Variants in FAM20A observed in about 807,000 individuals in gnomAD.
The protein encoded by FAM20A is pseudokinase FAM20A.
A neutral mutation model predicts 52.0 loss-of-function variants in FAM20A; 42 were observed. The observed-to-expected ratio is 0.81, with a 90% CI of 0.63 to 1.04. The LOEUF (loss-of-function observed/expected upper bound fraction) is 1.04, where lower values mean the gene tolerates loss of function less well. FAM20A is among the 50% of genes least tolerant of loss of function. The pLI, the probability that FAM20A is intolerant of heterozygous loss-of-function variation, is 0.00. For synonymous variants in FAM20A, 304 were observed against 298.9 expected, an observed-to-expected ratio of 1.02 and a Z score of -0.18; for missense variants, 742 against 712.7, an observed-to-expected ratio of 1.04 and a Z score of -0.47.
Position 68,578,024 on chromosome 17 carries a change from C to T in FAM20A, c.404+22239G>A, listed in dbSNP as rs12452866. Among the ~76,000 whole-genome samples the T allele has an allele frequency of 9.0e-3, 1,367 of 152,130 alleles. 99 individuals are homozygous for T. The South Asian group carries it at 0.15, about 17-fold the overall frequency. ...CACACACCACACACACACACACACA[C>T]GCACACTATTAGCAAGTGACATTGG... is the stretch of plus-strand genomic sequence containing the variant. On this transcript the variant is annotated intron_variant, in intron 1 of 10. Transcript: ENST00000592554.
chr17:68,600,959 C>A lies in FAM20A; in HGVS notation c.-293G>T, dbSNP rs2088608474. On this transcript the variant is annotated 5_prime_UTR_variant, in exon 1 of 11. Transcript: ENST00000592554. This position sits in a 1 kb window ranked among gnomAD's most constrained non-coding sequence, Gnocchi z 6.2. The stretch of plus-strand genomic sequence containing the variant: ...GTGCCCGCTTCTTGCGCCTTTTCTC[C>A]CGTGCGCCCGCCCGCCCGGACGCTC... 2 of 308,392 alleles carry A rather than the reference C, an allele frequency of 6.5e-6. No individual in the cohort carries two copies. The highest frequency in any genetic ancestry group is 4.3e-5 in the African/African-American group (2 of 46,026). The allele number at this position is 308,392 out of a possible 1,614,324, so 19.1% of individuals were successfully genotyped here.
At chr17:68,557,530 A>T (rs566200753) in intron 1 of FAM20A, 21 of 152,360 alleles carry the variant, frequency 1.4e-4, no homozygotes, top group African/African-American at 4.8e-4. Context: ...CCGGGAAAAG[A>T]GGCCTCACCA....
At chr17:68,595,916 A>T (rs1210735599) in intron 1 of FAM20A, among the ~76,000 whole-genome samples, 1 of 152,158 alleles carries the variant, frequency 6.6e-6, no homozygotes, top group Non-Finnish European at 1.5e-5. Flanking sequence ...TATCTTCCCC[A>T]AGCTCCTAGA....
intron 4 of FAM20A, among the ~76,000 whole-genome samples, chr17:68,546,876 C>T (rs1029723168): frequency 4.0e-5 from 6 of 151,508 alleles, no homozygotes; most frequent in Non-Finnish European, 8.8e-5. Flanking sequence ...TAGAATGACT[C>T]CTTGATCTGT....
Position 68,600,662 on chromosome 17 carries a change from G to A in FAM20A, c.5C>T (p.Pro2Leu), listed in dbSNP as rs528874230. M[P>L]GLRRDRLLTL... is the part of the protein sequence containing the mutation. ...CAGTAGGCGGTCCCGGCGCAGCCCC[G>A]GCATGGCGTGCTGGCCAAGGGGGAC... Residue 2 changes from proline (P) to leucine (L), a missense_variant, in exon 1 of 11, where the codon CCG becomes CTG. By Grantham distance (98) the Pro-to-Leu change is moderately conservative. Coordinates refer to ENST00000592554, the MANE Select transcript of FAM20A (RefSeq NM_017565.4). This position sits in a 1 kb window ranked among gnomAD's most constrained non-coding sequence, Gnocchi z 6.2. 218 of 1,543,550 alleles carry A rather than the reference G, an allele frequency of 1.4e-4. No homozygotes were observed. Among genetic ancestry groups the A allele is most frequent in the South Asian group, 3.4e-4 (29 of 84,586 alleles).
rs2086131717 is a variant in FAM20A, at chr17:68,537,605, G to A, written c.1498C>T (p.Arg500Ter). 6.2e-7 allele frequency: 1 copy of A among 1,613,648 alleles called. No homozygotes were observed. The highest frequency in any genetic ancestry group is 8.5e-7 in the Non-Finnish European group (1 of 1,179,742). ...LTEPHLLALDRRLQTILRTVE... is the reference protein window; with the variant it reads ...LTEPHLLALD ...GTCCTTAGGATGGTTTGGAGCCTTC[G>A]ATCCAGGGCAAGGAGGTGGGGTTCA... is the stretch of plus-strand genomic sequence containing the variant. The change falls in exon 11 of 11, where the codon CGA (arginine) becomes TGA (stop). Residue 500 changes from arginine to a stop codon, truncating the protein, a stop_gained. Transcript: ENST00000592554. LOFTEE classifies it low-confidence loss of function (END_TRUNC). This position sits in a 1 kb window ranked among gnomAD's most constrained non-coding sequence, Gnocchi z 4.2.
At chr17:68,545,502 C>T (rs545081136) in intron 4 of FAM20A, among the ~76,000 whole-genome samples, 1 of 152,300 alleles carries the variant, frequency 6.6e-6, no homozygotes, top group South Asian at 2.1e-4. Flanking sequence ...GGAAAAAGCA[C>T]TTTATTGCTA....
chr17:68,600,533 G>T lies in FAM20A; in HGVS notation c.134C>A (p.Pro45Gln), dbSNP rs376821996. 1.2e-4 allele frequency: 185 copies of T among 1,563,768 alleles called. No homozygotes were observed. The African/African-American group carries it at 2.3e-3, about 19-fold the overall frequency. The stretch of plus-strand genomic sequence containing the variant: ...CAGGGAGGAGGCGCGGCCGGTGCAC[G>T]GGCACCCCCGCGGGCGCTCCCGAGG... Reference protein sequence around the residue: ...LRPRERPRGCPCTGRASSLAR... With the variant: ...LRPRERPRGCQCTGRASSLAR... The change falls in exon 1 of 11, where the codon CCG becomes CAG. Residue 45 changes from proline to glutamine, a missense_variant. By Grantham distance (76) the Pro-to-Gln change is moderately conservative. Transcript: ENST00000592554. The surrounding 1 kb of genome is among the most constrained non-coding windows in gnomAD (Gnocchi z 6.2).
At chr17:68,564,720 G>T (rs936611948) in intron 1 of FAM20A, among the ~76,000 whole-genome samples, 1 of 152,222 alleles carries the variant, frequency 6.6e-6, no homozygotes, top group African/African-American at 2.4e-5. Flanking sequence ...GCAGGCATGG[G>T]GATGGCAGGA....
At chr17:68,553,905 T>C in intron 3 of FAM20A, among the ~76,000 whole-genome samples, 1 of 134,994 alleles carries the variant, frequency 7.4e-6, no homozygotes, top group Admixed American at 7.2e-5. Context: ...TATATGCATA[T>C]ATACATATAT....
intron 1 of FAM20A, among the ~76,000 whole-genome samples, chr17:68,593,250 C>T (rs1032536568): frequency 2.6e-5 from 4 of 152,254 alleles, no homozygotes; most frequent in African/African-American, 9.6e-5. Flanking sequence ...TCCGCAGGCT[C>T]TCATCAGCCT....
At chr17:68,578,781 C>G (rs915086395) in intron 1 of FAM20A, among the ~76,000 whole-genome samples, 1 of 129,214 alleles carries the variant, frequency 7.7e-6, no homozygotes, top group African/African-American at 3.0e-5. Flanking sequence ...ATCACAAGGT[C>G]AAGAGATCGA....
intron 1 of FAM20A, among the ~76,000 whole-genome samples, chr17:68,567,804 C>T (rs1053291776): frequency 2.0e-5 from 3 of 151,906 alleles, no homozygotes; most frequent in Non-Finnish European, 4.4e-5. Flanking sequence ...GGTGGTTTCC[C>T]ACATGCTGTT....
chr17:68,535,654 T>A lies in FAM20A; in HGVS notation c.*1823A>T, dbSNP rs2086076532. ...GGATTAAGGTTTCTCTGTTAAAGAG[T>A]TGATTTAAAAAAAAATTTTTTTTTT... On this transcript the variant is annotated 3_prime_UTR_variant, in exon 11 of 11. Coordinates refer to ENST00000592554, the MANE Select transcript of FAM20A (RefSeq NM_017565.4). 1 of 449,488 alleles carries A rather than the reference T, an allele frequency of 2.2e-6. No homozygotes were observed. Among genetic ancestry groups the A allele is most frequent in the Non-Finnish European group, 4.4e-6 (1 of 225,842 alleles). 27.8% of individuals were successfully genotyped at this position (449,488 alleles called of 1,614,324 possible).
chr17:68,540,696 T>G, intron 8 of FAM20A, 153 bp downstream of exon 8: 1 of 937,858 alleles, frequency 1.1e-6, no homozygotes, highest in South Asian at 1.4e-5. Flanking sequence ...TTACCTTCTG[T>G]CCTCTGGGAC....
chr17:68,563,222 C>T (rs936501555), intron 1 of FAM20A, among the ~76,000 whole-genome samples: 1 of 152,052 alleles, frequency 6.6e-6, no homozygotes, highest in East Asian at 1.9e-4. Flanking sequence ...CCTGTCTCTA[C>T]TAAAAATACA....
chr17:68,548,725 ATTTTTT>A (rs753348891), intron 4 of FAM20A, among the ~76,000 whole-genome samples: 1 of 79,158 alleles, frequency 1.3e-5, no homozygotes, highest in Non-Finnish European at 2.3e-5. Flanking sequence ...ATGCCTGTAT[ATTTTTT>A]TTTTTTTTTT....
chr17:68,554,949 C>A, intron 2 of FAM20A, 122 bp from the exon 3 acceptor site: 1 of 989,434 alleles, frequency 1.0e-6, no homozygotes, highest in East Asian at 2.5e-5. Context: ...AGCCTGGGGC[C>A]CTTGACCACT....
At chr17:68,564,110 G>A (rs1056373802) in intron 1 of FAM20A, among the ~76,000 whole-genome samples, 1 of 151,920 alleles carries the variant, frequency 6.6e-6, no homozygotes, top group African/African-American at 2.4e-5. Flanking sequence ...CAATGCTAGT[G>A]TCGTTGCTAT....
Sources: gnomAD v4.1 joint callset for allele counts (sites outside exome capture counted in the v4.1 genomes callset) on GRCh38, gnomAD v4.1.1 for gene constraint, Gnocchi (gnomAD v3.1) non-coding constraint, MANE v1.5 for transcripts, NCBI Gene and HGNC (gene_info 2026-07-23, HGNC 2026-07-21) for gene names.